The following LAMA2 variants were observed in gnomAD, a reference collection of about 807,000 sequenced individuals.
LAMA2 encodes laminin subunit alpha-2.
A neutral mutation model predicts 364.8 loss-of-function variants in LAMA2; 269 were observed. The observed-to-expected ratio is 0.74, with a 90% CI of 0.67 to 0.82. The LOEUF (loss-of-function observed/expected upper bound fraction) is 0.82, where lower values mean the gene tolerates loss of function less well. LAMA2 is among the 40% of genes least tolerant of loss of function. The probability of loss-of-function intolerance (pLI) is 0.00; values close to 1 mark genes in which losing one functional copy is unlikely to be tolerated. For synonymous variants in LAMA2, 1,379 were observed against 1,370.6 expected (o/e 1.01, Z -0.14); for missense variants, 3,807 against 3,873.2 (o/e 0.98, Z 0.45).
intron 40 of LAMA2, among the ~76,000 whole-genome samples, chr6:129,405,801 A>T (rs1390971169): frequency 6.6e-6 from 1 of 152,200 alleles, no homozygotes; most frequent in African/African-American, 2.4e-5. Flanking sequence ...TAGGACTAAC[A>T]TCCCATAAAT....
chr6:129,206,076 G>A (rs1481047675), intron 12 of LAMA2, among the ~76,000 whole-genome samples: 2 of 134,156 alleles, frequency 1.5e-5, no homozygotes, highest in Admixed American at 7.7e-5. Flanking sequence ...GGAAAGGAAA[G>A]GAAAGGAGGA....
At chr6:128,956,221 T>C (rs892989035) in intron 1 of LAMA2, among the ~76,000 whole-genome samples, 21 of 152,088 alleles carry the variant, frequency 1.4e-4, no homozygotes, top group Middle Eastern at 3.4e-3. Flanking sequence ...AAGCATATGA[T>C]ACTGTAGAAT....
At chr6:129,497,526 C>T (rs541225187) in intron 58 of LAMA2, among the ~76,000 whole-genome samples, 7 of 152,206 alleles carry the variant, frequency 4.6e-5, no homozygotes, top group African/African-American at 9.6e-5. Context: ...TAAGCCACCA[C>T]GCCTGGCCCA....
intron 1 of LAMA2, among the ~76,000 whole-genome samples, chr6:128,968,289 C>G (rs1415916695): frequency 2.0e-5 from 3 of 152,148 alleles, no homozygotes; most frequent in Admixed American, 6.5e-5. Context: ...GTCACTCATT[C>G]ATTCATTCAT....
Position 129,291,665 on chromosome 6 carries a change from C to T in LAMA2, c.2801C>T (p.Thr934Ile). ...GSFSEVCHSQ[T>I]GQCECRANVQ... ...TTCTCTGAGGTTTGCCACAGTCAAA[C>T]TGGACAGTGTGAGTGCAGAGCCAAC... is the stretch of plus-strand genomic sequence containing the variant. Residue 934 changes from threonine to isoleucine, a missense_variant, in exon 20 of 65, where the codon ACT becomes ATT. By Grantham distance (89) the Thr-to-Ile change is moderately conservative. Transcript: ENST00000421865. The T allele has an allele frequency of 6.2e-7, 1 of 1,614,156 alleles. No homozygotes were observed. The highest frequency in any genetic ancestry group is 8.5e-7 in the Non-Finnish European group (1 of 1,179,988).
intron 22 of LAMA2, 79 bp downstream of exon 22, chr6:129,300,951 A>G: frequency 2.5e-6 from 3 of 1,202,168 alleles, no homozygotes; most frequent in Non-Finnish European, 3.7e-6. Flanking sequence ...GGGCATTTCA[A>G]AATTCAATAT....
At chr6:129,045,697 G>A (rs1010922854) in intron 1 of LAMA2, among the ~76,000 whole-genome samples, 1 of 152,046 alleles carries the variant, frequency 6.6e-6, no homozygotes, top group Non-Finnish European at 1.5e-5. Flanking sequence ...GGGATAATTG[G>A]TACATAATCC....
At chr6:129,475,949 ACTAG>A (rs1489764410) in intron 53 of LAMA2, among the ~76,000 whole-genome samples, 1 of 152,194 alleles carries the variant, frequency 6.6e-6, no homozygotes, top group Non-Finnish European at 1.5e-5. Flanking sequence ...TTTATTTAAA[ACTAG>A]CTATGGTGCC....
intron 1 of LAMA2, among the ~76,000 whole-genome samples, chr6:128,965,781 A>G (rs1781799174): frequency 6.6e-6 from 1 of 152,016 alleles, no homozygotes; most frequent in Non-Finnish European, 1.5e-5. Flanking sequence ...TGAATTGTCA[A>G]GATGTCTCCC....
intron 3 of LAMA2, among the ~76,000 whole-genome samples, chr6:129,062,662 A>G (rs2114800939): frequency 6.6e-6 from 1 of 152,300 alleles, no homozygotes; most frequent in Non-Finnish European, 1.5e-5. Context: ...AAGATGAGCT[A>G]TTATCCAACT....
intron 1 of LAMA2, among the ~76,000 whole-genome samples, chr6:128,934,383 C>T (rs1322665516): frequency 6.6e-6 from 1 of 151,860 alleles, no homozygotes; most frequent in Non-Finnish European, 1.5e-5. Flanking sequence ...CTGGCTTTGT[C>T]CTTCTTTCTT....
At chr6:129,506,949 T>C (rs1475110213) in intron 61 of LAMA2, among the ~76,000 whole-genome samples, 1 of 152,074 alleles carries the variant, frequency 6.6e-6, no homozygotes, top group Non-Finnish European at 1.5e-5. Flanking sequence ...ACTTCTAAAT[T>C]CCTTGAACCC....
chr6:129,135,463 A>T (rs1583108102), intron 4 of LAMA2, among the ~76,000 whole-genome samples: 1 of 152,258 alleles, frequency 6.6e-6, no homozygotes, highest in Non-Finnish European at 1.5e-5. Context: ...AGTTAATCTT[A>T]TATGAGTTCA....
At chr6:129,226,587 A>G (rs1784297298) in intron 12 of LAMA2, among the ~76,000 whole-genome samples, 2 of 151,774 alleles carry the variant, frequency 1.3e-5, no homozygotes, top group South Asian at 2.1e-4. Context: ...TCCTTCACTT[A>G]TGAAGCTTAG....
chr6:128,988,062 C>T (rs1187740692), intron 1 of LAMA2, among the ~76,000 whole-genome samples: 1 of 152,106 alleles, frequency 6.6e-6, no homozygotes, highest in African/African-American at 2.4e-5. Flanking sequence ...GACGGGGTTT[C>T]ACCATGTTGG....
At position 128,896,864 on chromosome 6, in the gene LAMA2, G is replaced by A. The variant is rs1399644510; in HGVS notation, c.112+13507G>A. On this transcript the variant is annotated intron_variant, in intron 1 of 64. Transcript: ENST00000421865. ...TTATCTGCTGACCTCCTTTTTGACA[G>A]TTTAGGACTGTATTAAGTTTTCAGA... Among the ~76,000 whole-genome samples the A allele has an allele frequency of 3.3e-5, 5 of 152,140 alleles. No individual in the cohort carries two copies. The East Asian group carries it at 7.7e-4, about 23-fold the overall frequency.
chr6:129,222,703 T>C (rs1172768906), intron 12 of LAMA2, among the ~76,000 whole-genome samples: 3 of 152,138 alleles, frequency 2.0e-5, no homozygotes, highest in African/African-American at 4.8e-5. Context: ...TAGTATTCCA[T>C]GGTGTATACA....
chr6:129,123,351 CAT>C (rs952056284), intron 4 of LAMA2, among the ~76,000 whole-genome samples: 11 of 149,688 alleles, frequency 7.3e-5, no homozygotes, highest in Non-Finnish European at 1.2e-4. Context: ...CCTTCTCACA[CAT>C]ATATATATGT....
intron 1 of LAMA2, among the ~76,000 whole-genome samples, chr6:128,926,739 C>T (rs1466981192): frequency 1.3e-5 from 2 of 152,180 alleles, no homozygotes; most frequent in African/African-American, 4.8e-5. Context: ...CCTTTCTCCT[C>T]AGCCCTTTTG....
Sources: allele counts gnomAD v4.1 joint callset (sites outside exome capture counted in the v4.1 genomes callset), GRCh38; gene constraint gnomAD v4.1.1; transcripts MANE v1.5; gene names NCBI Gene and HGNC (gene_info 2026-07-23, HGNC 2026-07-21).